Variants in ATOSB observed in about 807,000 individuals in gnomAD.
The protein encoded by ATOSB is atos homolog B.
the ATOSB span, among the ~76,000 whole-genome samples, chr9:35,112,134 G>A: frequency 6.6e-6 from 1 of 152,166 alleles, no homozygotes; most frequent in Non-Finnish European, 1.5e-5. Flanking sequence ...GCCTGAGGTG[G>A]GACCCTATCT....
the ATOSB span, chr9:35,110,764 G>A: frequency 6.6e-6 from 1 of 152,314 alleles, no homozygotes; most frequent in Non-Finnish European, 1.5e-5. Flanking sequence ...GGCCTGGGAG[G>A]TGGGTGAGGT....
At chr9:35,107,934 G>A in the ATOSB span, 1 of 1,603,194 alleles carries the variant, frequency 6.2e-7, no homozygotes, top group Admixed American at 1.7e-5. Context: ...ATGCTGGCTG[G>A]CCACACCTAG....
chr9:35,106,562 G>A, the ATOSB span: 1 of 1,574,644 alleles, frequency 6.4e-7, no homozygotes, highest in Non-Finnish European at 8.6e-7. This position sits in a 1 kb window ranked among gnomAD's most constrained non-coding sequence, Gnocchi z 4.6. Flanking sequence ...GCAGGGTACG[G>A]CTGACAGCAG....
chr9:35,112,679 G>T, the ATOSB span, among the ~76,000 whole-genome samples: 1 of 152,184 alleles, frequency 6.6e-6, no homozygotes, highest in Admixed American at 6.5e-5. Flanking sequence ...GCACTTGTCA[G>T]CAAGTCGGAT....
the ATOSB span, chr9:35,106,662 C>T: frequency 6.5e-7 from 1 of 1,534,518 alleles, no homozygotes; most frequent in Non-Finnish European, 8.8e-7. The surrounding 1 kb of genome is among the most constrained non-coding windows in gnomAD (Gnocchi z 4.6). Flanking sequence ...GGAAGGGAAA[C>T]ACAGGGGGTT....
chr9:35,104,728 A>AG, the ATOSB span: 2 of 279,012 alleles, frequency 7.2e-6, no homozygotes, highest in South Asian at 5.8e-5. Context: ...AGCTGAGGGA[A>AG]AGCAGTTCTC....
chr9:35,107,779 C>T, the ATOSB span: 7 of 1,564,618 alleles, frequency 4.5e-6, no homozygotes, highest in South Asian at 8.4e-5. Flanking sequence ...CCCTGTCCCC[C>T]TGGATCTGGG....
the ATOSB span, chr9:35,105,137 C>T: frequency 7.0e-7 from 1 of 1,423,370 alleles, no homozygotes; most frequent in Non-Finnish European, 9.5e-7. This position sits in a 1 kb window ranked among gnomAD's most constrained non-coding sequence, Gnocchi z 5.5. Context: ...CCTGAAGGGT[C>T]TCTTGCTGTC....
chr9:35,114,420 G>A, the ATOSB span, among the ~76,000 whole-genome samples: 3 of 151,616 alleles, frequency 2.0e-5, no homozygotes, highest in Non-Finnish European at 4.4e-5. Context: ...CTGGGTGGTT[G>A]TGTGAGGAGG....
the ATOSB span, chr9:35,105,916 T>C: frequency 6.2e-7 from 1 of 1,613,736 alleles, no homozygotes; most frequent in African/African-American, 1.3e-5. This position sits in a 1 kb window ranked among gnomAD's most constrained non-coding sequence, Gnocchi z 5.5. Context: ...CTCTCCCCAC[T>C]CCCACTCCCT....
the ATOSB span, chr9:35,108,712 G>T: frequency 3.0e-6 from 3 of 995,554 alleles, no homozygotes; most frequent in Non-Finnish European, 3.6e-6. Flanking sequence ...CCACCATTCC[G>T]TGCAGCTCCT....
chr9:35,113,925 C>T, the ATOSB span, among the ~76,000 whole-genome samples: 7 of 152,144 alleles, frequency 4.6e-5, 1 homozygote, highest in South Asian at 4.1e-4. Flanking sequence ...AGCAATCCGG[C>T]GATCTGGATC....
the ATOSB span, among the ~76,000 whole-genome samples, chr9:35,112,111 A>C: frequency 6.6e-6 from 1 of 152,240 alleles, no homozygotes. Context: ...CCTCCATGCC[A>C]GAGAAGAAAA....
At chr9:35,112,765 A>T in the ATOSB span, among the ~76,000 whole-genome samples, 18 of 152,134 alleles carry the variant, frequency 1.2e-4, no homozygotes, top group Admixed American at 8.5e-4. Context: ...AAAGAGGGAA[A>T]GTCCATTCTT....
At chr9:35,105,778 A>T in the ATOSB span, 2 of 1,614,150 alleles carry the variant, frequency 1.2e-6, no homozygotes, top group Non-Finnish European at 1.7e-6. This position sits in a 1 kb window ranked among gnomAD's most constrained non-coding sequence, Gnocchi z 5.5. Flanking sequence ...CAGGAAGGTC[A>T]TGTGGGCAGC....
the ATOSB span, chr9:35,116,309 G>A: frequency 6.6e-6 from 1 of 152,402 alleles, no homozygotes; most frequent in East Asian, 1.9e-4. Context: ...GATTGGCGGT[G>A]GCGGCCCCAA....
chr9:35,111,616 A>G, the ATOSB span: 1 of 93,074 alleles, frequency 1.1e-5, no homozygotes, highest in African/African-American at 4.2e-5. Flanking sequence ...CCAGTGCCCC[A>G]CCACCCGCGC....
chr9:35,109,100 T>C, the ATOSB span: 1 of 152,194 alleles, frequency 6.6e-6, no homozygotes, highest in Non-Finnish European at 1.5e-5. Flanking sequence ...TCAGCTTTCT[T>C]ACTCAAAGCC....
At chr9:35,112,645 A>G in the ATOSB span, among the ~76,000 whole-genome samples, 2 of 152,162 alleles carry the variant, frequency 1.3e-5, no homozygotes, top group Non-Finnish European at 2.9e-5. Flanking sequence ...AAGAAAAGCA[A>G]TAGTCCTGTC....
Sources: gnomAD v4.1 joint callset for allele counts (sites outside exome capture counted in the v4.1 genomes callset) on GRCh38, gnomAD v4.1.1 for gene constraint, Gnocchi (gnomAD v3.1) non-coding constraint, MANE v1.5 for transcripts, NCBI Gene and HGNC (gene_info 2026-07-23, HGNC 2026-07-21) for gene names.